SFI1: variants seen among roughly 807,000 people sequenced by gnomAD.
SFI1 encodes protein SFI1 homolog.
Under a neutral mutation model 207.5 loss-of-function variants are expected in SFI1, and 195 were observed. The ratio of observed to expected loss-of-function variants is 0.94; its 90% confidence interval spans 0.84 to 1.06. The LOEUF is 1.06. Ranked by LOEUF, SFI1 falls within the 50% of genes least tolerant of loss-of-function variation. SFI1 has a pLI of 0.00. For missense variants in SFI1, 1,634 were observed against 1,588.0 expected (o/e 1.03, Z -0.49); for synonymous variants, 630 against 598.9 (o/e 1.05, Z -0.76).
intron 17 of SFI1, among the ~76,000 whole-genome samples, chr22:31,603,093 G>C (rs1448405763): frequency 2.0e-5 from 3 of 152,212 alleles, no homozygotes; most frequent in Non-Finnish European, 4.4e-5. Context: ...TTAGCCAGGC[G>C]TGGTGGCGCA....
At chr22:31,501,003 T>TG (rs2053670729) in intron 1 of SFI1, among the ~76,000 whole-genome samples, 1 of 151,102 alleles carries the variant, frequency 6.6e-6, no homozygotes, top group African/African-American at 2.4e-5. Flanking sequence ...TTCACCATAT[T>TG]GGCCAGGCTG....
At chr22:31,511,558 C>T (rs2055558356) in intron 2 of SFI1, among the ~76,000 whole-genome samples, 1 of 147,762 alleles carries the variant, frequency 6.8e-6, no homozygotes, top group Admixed American at 7.0e-5. Context: ...ACCTCTGCCT[C>T]CCAGTTCAAG....
At chr22:31,585,194 T>C in intron 14 of SFI1, 60 bp downstream of exon 14, 3 of 1,456,588 alleles carry the variant, frequency 2.1e-6, no homozygotes, top group Non-Finnish European at 2.9e-6. Context: ...CCATTTGCTT[T>C]GGAAAGATTC....
chr22:31,531,797 G>A (rs2147409220), intron 4 of SFI1, among the ~76,000 whole-genome samples: 1 of 152,218 alleles, frequency 6.6e-6, no homozygotes, highest in South Asian at 2.1e-4. Context: ...GGAGGCTGAG[G>A]CAGGAGAATT....
At chr22:31,496,858 C>T (rs1388396558) in intron 1 of SFI1, among the ~76,000 whole-genome samples, 1 of 152,212 alleles carries the variant, frequency 6.6e-6, no homozygotes, top group Non-Finnish European at 1.5e-5. Flanking sequence ...CCGGAGCCTG[C>T]CATCCTCTCC....
At chr22:31,519,842 G>T (rs1031942436) in intron 2 of SFI1, among the ~76,000 whole-genome samples, 4 of 152,094 alleles carry the variant, frequency 2.6e-5, no homozygotes, top group Non-Finnish European at 4.4e-5. Context: ...GTAGTGCTGG[G>T]ATGATAGGCA....
intron 14 of SFI1, 136 bp downstream of exon 14, chr22:31,585,270 C>G: frequency 1.5e-6 from 1 of 645,700 alleles, no homozygotes; most frequent in South Asian, 2.3e-5. Flanking sequence ...TGAAAAAGCT[C>G]AAAGTCATTT....
intron 14 of SFI1, chr22:31,587,380 C>T (rs1428570075): frequency 5.9e-6 from 2 of 336,350 alleles, no homozygotes; most frequent in South Asian, 2.4e-5. Context: ...TGGCTCACTG[C>T]AGCCTCACTC....
intron 4 of SFI1, among the ~76,000 whole-genome samples, chr22:31,538,768 C>T (rs1258168353): frequency 6.6e-6 from 1 of 152,034 alleles, no homozygotes; most frequent in African/African-American, 2.4e-5. Flanking sequence ...GTTTGACTGC[C>T]CCTTCTAACT....
intron 3 of SFI1, among the ~76,000 whole-genome samples, chr22:31,530,394 G>A (rs558717568): frequency 1.7e-4 from 25 of 146,498 alleles, no homozygotes; most frequent in African/African-American, 6.0e-4. Context: ...GGAGGCTGAG[G>A]CAGGAGAATG....
chr22:31,570,070 T>G (rs977912462), intron 8 of SFI1, among the ~76,000 whole-genome samples: 2 of 151,982 alleles, frequency 1.3e-5, no homozygotes, highest in African/African-American at 4.8e-5. Context: ...TGAGCCGTAT[T>G]CTTGCCATTG....
At chr22:31,514,627 C>T (rs1247148904) in intron 2 of SFI1, among the ~76,000 whole-genome samples, 1 of 151,934 alleles carries the variant, frequency 6.6e-6, no homozygotes, top group Non-Finnish European at 1.5e-5. Context: ...CCACCATTCT[C>T]CTCTCTGTTT....
intron 8 of SFI1, among the ~76,000 whole-genome samples, chr22:31,571,722 A>G (rs1459643490): frequency 6.6e-6 from 1 of 152,174 alleles, no homozygotes; most frequent in African/African-American, 2.4e-5. Context: ...CTTAAAGTGT[A>G]TATCTCCTAA....
intron 1 of SFI1, among the ~76,000 whole-genome samples, chr22:31,502,835 C>T (rs775072118): frequency 1.3e-4 from 19 of 151,862 alleles, no homozygotes; most frequent in Admixed American, 7.9e-4. Context: ...AGATTATGGC[C>T]GAGCGTGGTG....
At chr22:31,539,475 T>C (rs2059284039) in intron 4 of SFI1, among the ~76,000 whole-genome samples, 2 of 152,192 alleles carry the variant, frequency 1.3e-5, no homozygotes, top group African/African-American at 4.8e-5. Context: ...GTTCCCTTTT[T>C]AATTTCCAAA....
rs1346938314 is a variant in SFI1, at chr22:31,613,141, G to C, written c.2491-1G>C. 1.2e-6 allele frequency: 2 copies of C among 1,613,234 alleles called. No individual in the cohort carries two copies. Among genetic ancestry groups the C allele is most frequent in the Non-Finnish European group, 1.7e-6 (2 of 1,179,958 alleles). ...AAATGATCTGGTCTTTCTGGCCCTA[G>C]CTGGCAGCCAGGAGGCAGGAGCAGC... On this transcript the variant is annotated splice_acceptor_variant, in intron 24 of 32. Transcript: ENST00000400288. LOFTEE classifies it high-confidence loss of function.
intron 4 of SFI1, among the ~76,000 whole-genome samples, chr22:31,542,858 C>T (rs185300028): frequency 0.012 from 1,746 of 151,732 alleles, 10 homozygotes; most frequent in Middle Eastern, 0.031. Context: ...GATGGGGTTT[C>T]GCCACGTTGG....
intron 7 of SFI1, 97 bp downstream of exon 7, chr22:31,557,156 A>G (rs1488525533): frequency 2.8e-6 from 2 of 714,210 alleles, no homozygotes; most frequent in African/African-American, 1.8e-5. Flanking sequence ...CCTTAAAACA[A>G]TGGTTTGTAT....
At chr22:31,570,469 C>G (rs940664792) in intron 8 of SFI1, among the ~76,000 whole-genome samples, 4 of 152,104 alleles carry the variant, frequency 2.6e-5, no homozygotes, top group African/African-American at 4.8e-5. Context: ...CCTGATAGGC[C>G]TTTTGAATAG....
Sources: gnomAD v4.1 joint callset for allele counts (sites outside exome capture counted in the v4.1 genomes callset) on GRCh38, gnomAD v4.1.1 for gene constraint, MANE v1.5 for transcripts, NCBI Gene and HGNC (gene_info 2026-07-23, HGNC 2026-07-21) for gene names.